The following ZFHX3 variants were observed in gnomAD, a reference collection of about 807,000 sequenced individuals.
ZFHX3 encodes zinc finger homeobox 3, also known as zinc finger homeobox protein 3.
Under a neutral mutation model 279.1 loss-of-function variants are expected in ZFHX3, and 42 were observed. That is an observed-to-expected ratio of 0.15 (90% CI 0.12 to 0.19). The LOEUF (loss-of-function observed/expected upper bound fraction) is 0.19, where lower values mean the gene tolerates loss of function less well. ZFHX3 is among the 10% of genes least tolerant of loss of function. The probability of loss-of-function intolerance (pLI) is 1.00; values close to 1 mark genes in which losing one functional copy is unlikely to be tolerated. For missense variants in ZFHX3, 4,981 were observed against 4,754.0 expected, an observed-to-expected ratio of 1.05 and a Z score of -1.40; for synonymous variants, 2,293 against 1,957.8, an observed-to-expected ratio of 1.17 and a Z score of -4.52.
chr16:73,772,425 G>A (rs1475346823), intron 1 of ZFHX3, among the ~76,000 whole-genome samples: 1 of 152,178 alleles, frequency 6.6e-6, no homozygotes, highest in Non-Finnish European at 1.5e-5. Flanking sequence ...CACGCGAACA[G>A]CATGGGAAAG....
At chr16:73,191,851 C>T (rs527567036) in intron 5 of ZFHX3, among the ~76,000 whole-genome samples, 6 of 152,298 alleles carry the variant, frequency 3.9e-5, no homozygotes, top group East Asian at 1.9e-4. Flanking sequence ...GGCTTGTAGC[C>T]GCGGTGGGGC....
intron 4 of ZFHX3, among the ~76,000 whole-genome samples, chr16:73,296,759 G>C (rs2014920593): frequency 6.6e-6 from 1 of 151,974 alleles, no homozygotes; most frequent in South Asian, 2.1e-4. Flanking sequence ...TATTGACAAT[G>C]ACAATGGGAA....
At chr16:73,331,217 C>T (rs1267611251) in intron 3 of ZFHX3, among the ~76,000 whole-genome samples, 2 of 152,162 alleles carry the variant, frequency 1.3e-5, no homozygotes, top group Non-Finnish European at 2.9e-5. Context: ...CTCGTGAGAA[C>T]TCACTATCAT....
intron 3 of ZFHX3, among the ~76,000 whole-genome samples, chr16:73,408,775 A>C (rs1394671508): frequency 6.6e-6 from 1 of 152,064 alleles, no homozygotes; most frequent in Non-Finnish European, 1.5e-5. Flanking sequence ...CCTTGCTCAG[A>C]AAAGAGACAG....
intron 1 of ZFHX3, among the ~76,000 whole-genome samples, chr16:72,978,131 C>G (rs1186779349): frequency 6.6e-6 from 1 of 152,210 alleles, no homozygotes. Context: ...TCCCAGAGTG[C>G]TGGGATTACA....
chr16:73,306,013 G>A (rs2015172338), intron 4 of ZFHX3, among the ~76,000 whole-genome samples: 1 of 152,206 alleles, frequency 6.6e-6, no homozygotes, highest in Non-Finnish European at 1.5e-5. Context: ...TTCTGGCTCA[G>A]TGGAACCCGC....
intron 8 of ZFHX3, among the ~76,000 whole-genome samples, chr16:73,067,411 A>T (rs1192690337): frequency 6.6e-6 from 1 of 152,200 alleles, no homozygotes. Flanking sequence ...CCCTCCAGGT[A>T]CAGTTCACAT....
At position 72,795,341 on chromosome 16, in the gene ZFHX3, T is replaced by C. The variant is rs1331339087; in HGVS notation, c.7341A>G (p.Gln2447=). The C allele has an allele frequency of 6.2e-7, 1 of 1,614,094 alleles. No homozygotes were observed. The highest frequency in any genetic ancestry group is 1.7e-5 in the Admixed American group (1 of 59,998). The change falls in exon 9 of 10, where the codon CAA becomes CAG. Residue 2447 remains glutamine, a synonymous_variant. Transcript: ENST00000268489. ...GCTGCAGCTCTGGCTTTGGTTGTCC[T>C]TGCTTTTCTTGGGTTTGGTTTGGCT... ...SAQPNQTQEK[Q]GQPKPELQQQ...
intron 2 of ZFHX3, among the ~76,000 whole-genome samples, chr16:73,664,094 A>T (rs1388794885): frequency 6.6e-6 from 1 of 152,262 alleles, no homozygotes; most frequent in African/African-American, 2.4e-5. Flanking sequence ...CATTTTTAAA[A>T]AAGAAAAGGA....
rs773083441 is a variant in ZFHX3, at chr16:72,787,725, GCCGCCGCCGCCACTGCCA to G, written c.10533_10550del (p.Ser3513_Gly3518del). 249 of 1,379,158 alleles carry G rather than the reference GCCGCCGCCGCCACTGCCA, an allele frequency of 1.8e-4. 6 individuals carry two copies. Among genetic ancestry groups the G allele is most frequent in the South Asian group, 6.3e-4 (28 of 44,354 alleles). The allele number at this position is 1,379,158 out of a possible 1,614,324, so 85.4% of individuals were successfully genotyped here. On this transcript the variant is annotated inframe_deletion, in exon 10 of 10. Transcript: ENST00000268489. ...CGCCGCCGCCGCCGCCGCCACCGCC[GCCGCCGCCGCCACTGCCA>G]CCGCCGCCGCCGCCGGTGGGGACGT...
chr16:73,662,679 A>C (rs2052797915), intron 2 of ZFHX3, among the ~76,000 whole-genome samples: 2 of 152,210 alleles, frequency 1.3e-5, no homozygotes, highest in South Asian at 4.1e-4. Context: ...AATTCACAAA[A>C]AGGGGTCAAA....
chr16:73,589,452 C>T lies in ZFHX3; in HGVS notation c.-1547+90728G>A, dbSNP rs1337898854. Among the ~76,000 whole-genome samples the T allele has an allele frequency of 2.1e-5, 3 of 145,438 alleles. No individual in the cohort carries two copies. In the East Asian group the frequency reaches 6.1e-4, roughly 29 times the overall value. ...CGCTCTTTCAAAAAAAAAAAAAAGG[C>T]TGGGCACGGTGGCTCACGCCTGTAA... On this transcript the variant is annotated intron_variant, in intron 2 of 17. Coordinates refer to the ZFHX3 transcript ENST00000641206.
At chr16:73,559,363 A>C (rs2020336032) in intron 2 of ZFHX3, among the ~76,000 whole-genome samples, 1 of 152,048 alleles carries the variant, frequency 6.6e-6, no homozygotes, top group African/African-American at 2.4e-5. Context: ...GCAATTTCCA[A>C]GTACAAGTCA....
At chr16:73,141,759 A>C (rs1046812935) in intron 6 of ZFHX3, among the ~76,000 whole-genome samples, 5 of 152,110 alleles carry the variant, frequency 3.3e-5, no homozygotes, top group Non-Finnish European at 1.5e-5. Context: ...TGGCATTATC[A>C]TTCCAGTTTT....
chr16:73,260,396 A>G (rs756637079), intron 4 of ZFHX3, among the ~76,000 whole-genome samples: 1 of 152,104 alleles, frequency 6.6e-6, no homozygotes, highest in Non-Finnish European at 1.5e-5. Flanking sequence ...GCATGGACTC[A>G]TGGATTTAAT....
chr16:73,613,635 G>T (rs1007783430), intron 2 of ZFHX3, among the ~76,000 whole-genome samples: 1 of 152,094 alleles, frequency 6.6e-6, no homozygotes, highest in Non-Finnish European at 1.5e-5. Context: ...ATGAGACTTT[G>T]GTCCTCCCTA....
chr16:73,054,981 A>T (rs1291874719), intron 1 of ZFHX3, among the ~76,000 whole-genome samples: 1 of 152,112 alleles, frequency 6.6e-6, no homozygotes, highest in Non-Finnish European at 1.5e-5. Context: ...TAATAAAAGA[A>T]CCTATACAGC....
chr16:73,166,528 G>C (rs182166719), intron 5 of ZFHX3, among the ~76,000 whole-genome samples: 1 of 152,098 alleles, frequency 6.6e-6, no homozygotes, highest in Non-Finnish European at 1.5e-5. Context: ...CCAATGGAAA[G>C]AGAGAAGCAA....
chr16:73,536,118 A>G (rs1341604141), intron 2 of ZFHX3, among the ~76,000 whole-genome samples: 1 of 152,284 alleles, frequency 6.6e-6, no homozygotes, highest in African/African-American at 2.4e-5. Context: ...TATTATGCTT[A>G]GTTGATTGGG....
Sources: allele counts gnomAD v4.1 joint callset (sites outside exome capture counted in the v4.1 genomes callset), GRCh38; gene constraint gnomAD v4.1.1; transcripts MANE v1.5; gene names NCBI Gene and HGNC (gene_info 2026-07-23, HGNC 2026-07-21).